The following ROBO2 variants were observed in gnomAD, a reference collection of about 807,000 sequenced individuals.
ROBO2 encodes roundabout guidance receptor 2.
Under a neutral mutation model 160.8 loss-of-function variants are expected in ROBO2, and 53 were observed. That is an observed-to-expected ratio of 0.33 (90% CI 0.26 to 0.41). The LOEUF (loss-of-function observed/expected upper bound fraction) is 0.41, where lower values mean the gene tolerates loss of function less well. ROBO2 is among the 10% of genes least tolerant of loss of function. The pLI is 1.00. For missense variants in ROBO2, 1,577 were observed against 1,722.4 expected (o/e 0.92, Z 1.49); for synonymous variants, 664 against 611.7 (o/e 1.09, Z -1.26).
intron 2 of ROBO2, among the ~76,000 whole-genome samples, chr3:76,442,205 A>T (rs2076953454): frequency 6.6e-6 from 1 of 152,092 alleles, no homozygotes; most frequent in Non-Finnish European, 1.5e-5. Flanking sequence ...CTTATTGCTA[A>T]GTGTTGTATT....
At chr3:77,233,697 A>G (rs930217006) in intron 2 of ROBO2, among the ~76,000 whole-genome samples, 1 of 152,020 alleles carries the variant, frequency 6.6e-6, no homozygotes, top group Non-Finnish European at 1.5e-5. Flanking sequence ...TTATGTATTT[A>G]TGTAAATTTT....
At chr3:76,428,031 A>G (rs2076288764) in intron 2 of ROBO2, among the ~76,000 whole-genome samples, 1 of 152,230 alleles carries the variant, frequency 6.6e-6, no homozygotes, top group Non-Finnish European at 1.5e-5. Flanking sequence ...TTTCAAATAT[A>G]TAACTAGTTT....
intron 2 of ROBO2, among the ~76,000 whole-genome samples, chr3:76,259,743 A>G (rs1706624200): frequency 6.6e-6 from 1 of 152,052 alleles, no homozygotes; most frequent in South Asian, 2.1e-4. Context: ...ATGCAGATTC[A>G]CTGTGCGCAA....
intron 2 of ROBO2, among the ~76,000 whole-genome samples, chr3:76,925,686 A>G (rs2076950350): frequency 6.6e-6 from 1 of 152,136 alleles, no homozygotes; most frequent in South Asian, 2.1e-4. Flanking sequence ...GGGTCAGGGG[A>G]GCTGAGAGTG....
rs568612088 is a variant in ROBO2, at chr3:76,397,477, A to G, written c.109+459875A>G. Among the ~76,000 whole-genome samples, 499 of 152,178 alleles carry G rather than the reference A, an allele frequency of 3.3e-3. 6 individuals are homozygous for G. Among genetic ancestry groups the G allele is most frequent in the Admixed American group, 0.024 (366 of 15,276 alleles). ...ACAAAAGTCAAAATTGACAAATGGG[A>G]TCTAATTAAACTAAAGAGCTTCTGC... On this transcript the variant is annotated intron_variant, in intron 2 of 26. Transcript: ENST00000487694.
intron 2 of ROBO2, among the ~76,000 whole-genome samples, chr3:76,644,380 A>C (rs1318368122): frequency 6.6e-6 from 1 of 152,220 alleles, no homozygotes; most frequent in Non-Finnish European, 1.5e-5. Context: ...CGAGATTTGC[A>C]TTTGACCAGT....
At chr3:76,520,702 A>C (rs2107874752) in intron 2 of ROBO2, among the ~76,000 whole-genome samples, 1 of 152,322 alleles carries the variant, frequency 6.6e-6, no homozygotes, top group Admixed American at 6.5e-5. Context: ...TGCTTTCTAA[A>C]TGCAAAATTT....
At chr3:76,227,777 C>T (rs556880721) in intron 2 of ROBO2, among the ~76,000 whole-genome samples, 1 of 152,262 alleles carries the variant, frequency 6.6e-6, no homozygotes, top group South Asian at 2.1e-4. Context: ...CCCTAGACTT[C>T]TGCTTTAACA....
At chr3:76,696,637 A>G (rs2092933875) in intron 2 of ROBO2, among the ~76,000 whole-genome samples, 2 of 152,196 alleles carry the variant, frequency 1.3e-5, no homozygotes, top group South Asian at 2.1e-4. Context: ...CTGTATCTCT[A>G]CTATGATACG....
At chr3:76,283,318 T>A (rs72630392) in intron 2 of ROBO2, among the ~76,000 whole-genome samples, 28,312 of 150,614 alleles carry the variant, frequency 0.19, 4,336 homozygotes, top group East Asian at 0.41. Context: ...CTATTTAAAG[T>A]TTATCTCAGG....
chr3:77,442,930 T>A lies in ROBO2; in HGVS notation c.389-34484T>A, dbSNP rs149369216. Among the ~76,000 whole-genome samples the A allele has an allele frequency of 1.8e-4, 28 of 152,322 alleles. No individual in the cohort carries two copies. The East Asian group carries it at 5.2e-3, about 28-fold the overall frequency. On this transcript the variant is annotated intron_variant, in intron 2 of 25. Transcript: ENST00000461745. ...TGCTCAGAAAGAGTGGACTCCAACC[T>A]CTGCATGAAGTCAGTTAGATTGCTT...
chr3:76,148,272 G>A (rs1458103925), intron 2 of ROBO2, among the ~76,000 whole-genome samples: 2 of 151,868 alleles, frequency 1.3e-5, no homozygotes, highest in Non-Finnish European at 2.9e-5. Flanking sequence ...TTCTATTGAT[G>A]TGCTGCTTCT....
At chr3:75,970,628 A>C (rs1559793558) in intron 2 of ROBO2, among the ~76,000 whole-genome samples, 2 of 151,622 alleles carry the variant, frequency 1.3e-5, no homozygotes. Context: ...TTTATGTTAC[A>C]TTACAAGACT....
intron 2 of ROBO2, among the ~76,000 whole-genome samples, chr3:76,712,413 A>G (rs1576167987): frequency 6.6e-6 from 1 of 152,106 alleles, no homozygotes; most frequent in South Asian, 2.1e-4. Context: ...GGTGGCTCAC[A>G]CCTGTAATCT....
intron 2 of ROBO2, among the ~76,000 whole-genome samples, chr3:76,245,372 T>C (rs953002245): frequency 2.6e-5 from 4 of 152,170 alleles, no homozygotes; most frequent in South Asian, 2.1e-4. Context: ...TTTGTATTCA[T>C]TGAATGAATG....
intron 2 of ROBO2, among the ~76,000 whole-genome samples, chr3:76,331,690 ATT>A (rs10713218): frequency 7.5e-4 from 108 of 144,348 alleles, no homozygotes; most frequent in East Asian, 3.7e-3. Flanking sequence ...TAATATTTGA[ATT>A]TTTTTTTTTT....
chr3:75,916,370 G>T (rs557002466), intron 1 of ROBO2, among the ~76,000 whole-genome samples: 4 of 152,104 alleles, frequency 2.6e-5, no homozygotes, highest in Non-Finnish European at 5.9e-5. Context: ...ATTTCGGGGG[G>T]ATCACTATTA....
intron 2 of ROBO2, among the ~76,000 whole-genome samples, chr3:76,212,834 C>T (rs1048819586): frequency 6.3e-5 from 7 of 110,866 alleles, no homozygotes; most frequent in Non-Finnish European, 1.1e-4. Context: ...TTGGTACTAA[C>T]CCATGGAGCC....
intron 2 of ROBO2, among the ~76,000 whole-genome samples, chr3:77,375,103 T>G (rs1318377427): frequency 6.6e-6 from 1 of 152,162 alleles, no homozygotes; most frequent in Non-Finnish European, 1.5e-5. Flanking sequence ...CCCTAGCAAT[T>G]CAGGAAGCCA....
Sources: allele counts gnomAD v4.1 joint callset (sites outside exome capture counted in the v4.1 genomes callset), GRCh38; gene constraint gnomAD v4.1.1; transcripts MANE v1.5; gene names NCBI Gene and HGNC (gene_info 2026-07-23, HGNC 2026-07-21).